The following DAP3 variants were observed in gnomAD, a reference collection of about 807,000 sequenced individuals.
The protein encoded by DAP3 is small ribosomal subunit protein mS29.
A neutral mutation model predicts 51.9 loss-of-function variants in DAP3; 28 were observed. The ratio of observed to expected loss-of-function variants is 0.54; its 90% CI spans 0.40 to 0.74. The LOEUF (loss-of-function observed/expected upper bound fraction) is 0.74. DAP3 is among the 30% of genes least tolerant of loss of function. The pLI is 0.00. For missense variants in DAP3, 458 were observed against 483.5 expected (o/e 0.95, Z 0.49); for synonymous variants, 170 against 170.3 (o/e 1.00, Z 0.01).
rs373262328 is a variant in DAP3, at chr1:155,716,816, G to A, written c.46-190G>A. 7.3e-5 allele frequency among the ~76,000 whole-genome samples: 11 copies of A among 151,604 alleles called. No individual in the cohort carries two copies. The East Asian group carries it at 7.8e-4, about 11-fold the overall frequency. On this transcript the variant is annotated intron_variant, in intron 2 of 12. Coordinates refer to ENST00000368336, the MANE Select transcript of DAP3 (RefSeq NM_004632.4). ...TAAAAAATCAGCCGGGTGTGGTGGC[G>A]CACGCCTGTAATCCCAGTTACTCAG...
intron 1 of DAP3, chr1:155,708,897 G>A (rs1046623452): frequency 6.6e-6 from 1 of 151,854 alleles, no homozygotes; most frequent in Non-Finnish European, 1.5e-5. Context: ...GTAGAGACGG[G>A]TTTTCACCGT....
intron 4 of DAP3, among the ~76,000 whole-genome samples, chr1:155,724,239 A>AG (rs1490539134): frequency 1.3e-5 from 2 of 152,142 alleles, no homozygotes; most frequent in Non-Finnish European, 2.9e-5. Flanking sequence ...TGGAGGTATG[A>AG]GGTATGGATG....
Position 155,733,853 on chromosome 1 carries a change from A to C in DAP3, c.993+1820A>C, listed in dbSNP as rs1289467649. On this transcript the variant is annotated intron_variant, in intron 11 of 12. Transcript: ENST00000368336. ...CTCCGTCTCAAGAAAAACAAAAAACAAAAAAACAATTCCTTCATGGCCAGG... is the reference window on the plus strand; with the variant it reads ...CTCCGTCTCAAGAAAAACAAAAAACCAAAAAACAATTCCTTCATGGCCAGG... Among the ~76,000 whole-genome samples, 3 of 151,074 alleles carry C rather than the reference A, an allele frequency of 2.0e-5. No homozygotes were observed. The East Asian group carries it at 5.9e-4, about 30-fold the overall frequency.
chr1:155,736,449 C>G (rs559833881), intron 11 of DAP3, among the ~76,000 whole-genome samples: 45 of 152,204 alleles, frequency 3.0e-4, no homozygotes, highest in African/African-American at 1.0e-3. Context: ...CATGGTCTTA[C>G]TCTGTCACCC....
chr1:155,728,425 G>A (rs1343262152), intron 7 of DAP3, among the ~76,000 whole-genome samples: 1 of 151,916 alleles, frequency 6.6e-6, no homozygotes, highest in African/African-American at 2.4e-5. Flanking sequence ...AGCCGGGTGT[G>A]GTGGTGCACG....
chr1:155,719,056 A>G (rs1443360284), intron 3 of DAP3, among the ~76,000 whole-genome samples: 3 of 152,050 alleles, frequency 2.0e-5, no homozygotes, highest in Admixed American at 1.3e-4. Context: ...CACCACTTTT[A>G]TATACATACT....
At chr1:155,692,779 T>G (rs1321373453) in intron 1 of DAP3, among the ~76,000 whole-genome samples, 1 of 142,342 alleles carries the variant, frequency 7.0e-6, no homozygotes, top group Admixed American at 6.6e-5. Flanking sequence ...CCAATCACAT[T>G]GCATTTGCAA....
At chr1:155,731,508 C>T (rs182960548) in intron 10 of DAP3, 93 bp downstream of exon 10, 4 of 1,278,750 alleles carry the variant, frequency 3.1e-6, no homozygotes, top group South Asian at 1.2e-5. Context: ...TTTACAGTCT[C>T]TAATTTTATG....
intron 3 of DAP3, among the ~76,000 whole-genome samples, chr1:155,718,425 C>T (rs1657570515): frequency 6.6e-6 from 1 of 151,982 alleles, no homozygotes; most frequent in Non-Finnish European, 1.5e-5. Flanking sequence ...TGGCTCACGC[C>T]TGTAATCCCA....
chr1:155,713,463 A>G (rs1477027665), intron 2 of DAP3, among the ~76,000 whole-genome samples: 2 of 152,302 alleles, frequency 1.3e-5, no homozygotes, highest in South Asian at 2.1e-4. Context: ...TAAGTTTCCT[A>G]TAGAGCATTT....
chr1:155,688,079 A>C, upstream of DAP3: 1 of 1,585,478 alleles, frequency 6.3e-7, no homozygotes, highest in Non-Finnish European at 8.6e-7. Flanking sequence ...ACCGTGTCGG[A>C]GGCCGAGAGC....
intron 1 of DAP3, 182 bp downstream of exon 1, chr1:155,689,356 T>C (rs1410655802): frequency 9.3e-6 from 5 of 534,794 alleles, no homozygotes; most frequent in African/African-American, 7.5e-5. Flanking sequence ...TTTTTGTTGT[T>C]GTTAACCCTC....
intron 9 of DAP3, 67 bp from the exon 10 acceptor site, chr1:155,731,289 A>G (rs772284171): frequency 1.8e-5 from 27 of 1,517,632 alleles, no homozygotes; most frequent in African/African-American, 4.2e-5. Flanking sequence ...ATTGTTGTCA[A>G]TTGTTTCGGG....
chr1:155,729,241 G>A lies in DAP3; in HGVS notation c.718G>A (p.Val240Ile). The change falls in exon 9 of 13, where the codon GTT becomes ATT. Residue 240 changes from valine (V) to isoleucine (I), a missense_variant. Val to Ile is a conservative substitution (Grantham distance 29). Coordinates refer to ENST00000368336, the MANE Select transcript of DAP3 (RefSeq NM_004632.4). ...ITRVRNATDA[V>I]GIVLKELKRQ... ...ACGGGTGAGGAACGCCACAGATGCA[G>A]TTGGAATTGTGCTGAAAGAGCTAAA... The A allele has an allele frequency of 1.2e-6, 2 of 1,614,176 alleles. No individual in the cohort carries two copies. Among genetic ancestry groups the A allele is most frequent in the South Asian group, 1.1e-5 (1 of 91,086 alleles).
intron 1 of DAP3, among the ~76,000 whole-genome samples, chr1:155,692,356 T>C (rs1480962452): frequency 4.9e-5 from 7 of 141,788 alleles, no homozygotes; most frequent in Non-Finnish European, 2.9e-5. Flanking sequence ...AGGCACCCTG[T>C]AAGCCTTTTT....
At chr1:155,702,254 G>A (rs1418133045) in intron 1 of DAP3, among the ~76,000 whole-genome samples, 2 of 151,772 alleles carry the variant, frequency 1.3e-5, no homozygotes, top group African/African-American at 4.8e-5. Flanking sequence ...TGGATCATGA[G>A]GTCAGGAGAT....
chr1:155,693,124 A>G (rs1266448480), intron 1 of DAP3, among the ~76,000 whole-genome samples: 1 of 141,862 alleles, frequency 7.0e-6, no homozygotes, highest in South Asian at 2.1e-4. Flanking sequence ...GGAAACCGGT[A>G]TCTAAACTCC....
intron 10 of DAP3, 147 bp from the exon 11 acceptor site, chr1:155,731,797 A>C: frequency 2.8e-6 from 2 of 719,222 alleles, no homozygotes; most frequent in Non-Finnish European, 4.4e-6. Context: ...AATCTGGAAT[A>C]ACCAATTTAG....
chr1:155,720,371 A>G (rs1260069787), intron 3 of DAP3, among the ~76,000 whole-genome samples: 1 of 145,684 alleles, frequency 6.9e-6, no homozygotes, highest in Non-Finnish European at 1.5e-5. Context: ...GGCCGGGTGC[A>G]GTGGCTCACG....
Sources: gnomAD v4.1 joint callset for allele counts (sites outside exome capture counted in the v4.1 genomes callset) on GRCh38, gnomAD v4.1.1 for gene constraint, MANE v1.5 for transcripts, NCBI Gene and HGNC (gene_info 2026-07-23, HGNC 2026-07-21) for gene names.